The following NRG3 variants were observed in gnomAD, a reference collection of about 807,000 sequenced individuals.
The protein encoded by NRG3 is neuregulin 3.
Under a neutral mutation model 66.9 loss-of-function variants are expected in NRG3, and 31 were observed. The ratio of observed to expected loss-of-function variants is 0.46; its 90% CI spans 0.35 to 0.63. The LOEUF is 0.63. Ranked by LOEUF, NRG3 falls within the 20% of genes least tolerant of loss-of-function variation. The pLI is 0.00. For missense variants in NRG3, 910 were observed against 878.9 expected (o/e 1.04, Z -0.45); for synonymous variants, 393 against 359.4 (o/e 1.09, Z -1.06).
At chr10:82,659,267 G>A (rs2052120784) in intron 2 of NRG3, among the ~76,000 whole-genome samples, 1 of 152,192 alleles carries the variant, frequency 6.6e-6, no homozygotes, top group South Asian at 2.1e-4. Context: ...TCAAAAGCCT[G>A]GAGAAATACT....
At chr10:82,641,779 G>T (rs1284854102) in intron 2 of NRG3, among the ~76,000 whole-genome samples, 3 of 152,098 alleles carry the variant, frequency 2.0e-5, no homozygotes, top group Non-Finnish European at 2.9e-5. Context: ...ATCAACTTAT[G>T]ATTAAAACAA....
intron 3 of NRG3, among the ~76,000 whole-genome samples, chr10:82,782,888 G>A (rs1042656063): frequency 4.7e-4 from 72 of 152,044 alleles, no homozygotes; most frequent in Non-Finnish European, 8.8e-4. Context: ...TACCAAAGAC[G>A]GGCAGAGACA....
intron 4 of NRG3, among the ~76,000 whole-genome samples, chr10:82,901,728 G>A (rs1189998119): frequency 1.3e-5 from 2 of 152,210 alleles, no homozygotes; most frequent in Non-Finnish European, 2.9e-5. Context: ...GCAGCAGATG[G>A]CTAAAATTAT....
intron 1 of NRG3, among the ~76,000 whole-genome samples, chr10:82,185,592 A>G (rs190376803): frequency 6.6e-6 from 1 of 152,194 alleles, no homozygotes; most frequent in African/African-American, 2.4e-5. Context: ...GAAACATATA[A>G]CAATAAACAT....
intron 2 of NRG3, among the ~76,000 whole-genome samples, chr10:82,520,422 A>T (rs1195186780): frequency 6.6e-6 from 1 of 152,066 alleles, no homozygotes; most frequent in Middle Eastern, 3.4e-3. Flanking sequence ...ACTCACACAC[A>T]TACACACAAA....
chr10:82,709,004 G>A (rs2056488946), intron 2 of NRG3, among the ~76,000 whole-genome samples: 1 of 151,986 alleles, frequency 6.6e-6, no homozygotes, highest in Admixed American at 6.6e-5. Flanking sequence ...AGTGATTCTG[G>A]GGAGGGCAGA....
intron 8 of NRG3, among the ~76,000 whole-genome samples, chr10:82,981,449 T>G (rs1251157926): frequency 6.6e-6 from 1 of 152,230 alleles, no homozygotes; most frequent in Non-Finnish European, 1.5e-5. Context: ...CCCTGGGGAC[T>G]GACTGTCTCT....
chr10:82,089,384 A>G (rs1254128594), intron 1 of NRG3, among the ~76,000 whole-genome samples: 1 of 152,096 alleles, frequency 6.6e-6, no homozygotes, highest in Non-Finnish European at 1.5e-5. Context: ...GTATGAGGCA[A>G]TCTGTGCTTC....
At chr10:82,157,436 T>A (rs770452313) in intron 1 of NRG3, among the ~76,000 whole-genome samples, 1 of 151,716 alleles carries the variant, frequency 6.6e-6, no homozygotes, top group Admixed American at 6.6e-5. Flanking sequence ...TTACCTGAGA[T>A]TTTATTTTTC....
At chr10:82,733,677 C>T (rs1323563015) in intron 2 of NRG3, among the ~76,000 whole-genome samples, 1 of 152,170 alleles carries the variant, frequency 6.6e-6, no homozygotes, top group African/African-American at 2.4e-5. Context: ...GAGAGTAGCA[C>T]AGTTCTCTCA....
chr10:82,709,890 A>G (rs955731402), intron 2 of NRG3, among the ~76,000 whole-genome samples: 1 of 152,208 alleles, frequency 6.6e-6, no homozygotes. Context: ...TCTGGTCTTC[A>G]AATCAGAAGC....
intron 4 of NRG3, among the ~76,000 whole-genome samples, chr10:82,893,194 A>C (rs568931201): frequency 2.4e-4 from 37 of 152,282 alleles, no homozygotes; most frequent in African/African-American, 8.9e-4. Flanking sequence ...ACAAATAACA[A>C]CATTCTAGTG....
intron 3 of NRG3, among the ~76,000 whole-genome samples, chr10:82,760,503 C>T (rs924512269): frequency 2.0e-5 from 3 of 151,938 alleles, no homozygotes; most frequent in Admixed American, 6.6e-5. Flanking sequence ...TAATTAATAG[C>T]GAAGCATAAT....
At chr10:82,204,790 A>G (rs2075036158) in intron 1 of NRG3, among the ~76,000 whole-genome samples, 1 of 152,164 alleles carries the variant, frequency 6.6e-6, no homozygotes, top group Admixed American at 6.5e-5. Flanking sequence ...TTTGACATGT[A>G]TTCTCAAAAC....
intron 3 of NRG3, among the ~76,000 whole-genome samples, chr10:82,838,450 A>G (rs942652810): frequency 3.9e-5 from 6 of 152,176 alleles, no homozygotes; most frequent in Non-Finnish European, 8.8e-5. Context: ...TCTCTTTCAC[A>G]TAGAGAAGTT....
intron 1 of NRG3, among the ~76,000 whole-genome samples, chr10:82,208,500 C>G (rs374895983): frequency 2.6e-5 from 4 of 152,112 alleles, no homozygotes; most frequent in Admixed American, 2.0e-4. Context: ...CCACCTTGCT[C>G]TTTGTCCTGT....
At chr10:81,878,040 T>C in intron 1 of NRG3, 1 of 1,537,560 alleles carries the variant, frequency 6.5e-7, no homozygotes, top group Non-Finnish European at 8.7e-7. Flanking sequence ...TTTCATGTTC[T>C]TTCTCAATTG....
intron 3 of NRG3, among the ~76,000 whole-genome samples, chr10:82,739,673 G>GTTTAA (rs1223153224): frequency 6.6e-6 from 1 of 152,140 alleles, no homozygotes; most frequent in Non-Finnish European, 1.5e-5. Context: ...AAAAGGTTTT[G>GTTTAA]TTTAATTTAA....
At chr10:82,768,042 C>A (rs181477960) in intron 3 of NRG3, among the ~76,000 whole-genome samples, 22 of 152,194 alleles carry the variant, frequency 1.4e-4, no homozygotes, top group African/African-American at 4.6e-4. Flanking sequence ...CCCCCAGATA[C>A]CAGAATGTCA....
Sources: allele counts gnomAD v4.1 joint callset (sites outside exome capture counted in the v4.1 genomes callset), GRCh38; gene constraint gnomAD v4.1.1; transcripts MANE v1.5; gene names NCBI Gene and HGNC (gene_info 2026-07-23, HGNC 2026-07-21).